The following CTNNA2 variants were observed in gnomAD, a reference collection of about 807,000 sequenced individuals.
The protein encoded by CTNNA2 is catenin alpha 2.
CTNNA2 carries 42 observed loss-of-function variants against 101.0 expected under a neutral mutation model. The ratio of observed to expected loss-of-function variants is 0.42; its 90% confidence interval spans 0.32 to 0.54. The LOEUF (loss-of-function observed/expected upper bound fraction) is 0.54, where lower values mean the gene tolerates loss of function less well. Among genes scored for constraint, CTNNA2 ranks in the 20% least tolerant of loss-of-function variants. The pLI is 0.14. For synonymous variants in CTNNA2, 450 were observed against 456.4 expected, an observed-to-expected ratio of 0.99 and a Z score of 0.18; for missense variants, 871 against 1,223.1, an observed-to-expected ratio of 0.71 and a Z score of 4.29.
chr2:79,814,601 G>A (rs969151112), intron 3 of CTNNA2, among the ~76,000 whole-genome samples: 1 of 129,898 alleles, frequency 7.7e-6, no homozygotes, highest in Non-Finnish European at 1.5e-5. Flanking sequence ...CATTATATAT[G>A]TGTGTATACA....
At chr2:80,372,293 C>T (rs911605814) in intron 7 of CTNNA2, among the ~76,000 whole-genome samples, 7 of 151,834 alleles carry the variant, frequency 4.6e-5, no homozygotes, top group South Asian at 2.1e-4. Flanking sequence ...TTAAACCAGT[C>T]TCAAATTTAC....
At chr2:79,813,717 A>G (rs556145766) in intron 3 of CTNNA2, among the ~76,000 whole-genome samples, 42 of 152,278 alleles carry the variant, frequency 2.8e-4, no homozygotes, top group African/African-American at 9.9e-4. Context: ...AGAGTTCAAG[A>G]GTTTCAAGTT....
In CTNNA2 at chr2:80,125,116, C is replaced by T. The variant is rs940824623; in HGVS notation, c.1056+215319C>T. ...AACCAAATCTAGGTTTTGTCTGAAA[C>T]GATTGAAGTACAGCAAATCTGGGGC... is the stretch of plus-strand genomic sequence containing the variant. On this transcript the variant is annotated intron_variant, in intron 7 of 18. Transcript: ENST00000402739. Among the ~76,000 whole-genome samples the T allele has an allele frequency of 9.9e-5, 15 of 152,106 alleles. 1 individual carries two copies. Among genetic ancestry groups the T allele is most frequent in the South Asian group, 8.3e-4 (4 of 4,832 alleles).
intron 4 of CTNNA2, among the ~76,000 whole-genome samples, chr2:79,440,316 T>G (rs565494257): frequency 6.6e-6 from 1 of 152,024 alleles, no homozygotes; most frequent in South Asian, 2.1e-4. Context: ...AAGGAAAAAT[T>G]TATGGGAGAA....
intron 3 of CTNNA2, among the ~76,000 whole-genome samples, chr2:79,846,651 C>T (rs1034677109): frequency 3.9e-5 from 6 of 152,154 alleles, no homozygotes; most frequent in Non-Finnish European, 8.8e-5. Flanking sequence ...GGAACTGCAG[C>T]AAATACAAAT....
intron 7 of CTNNA2, among the ~76,000 whole-genome samples, chr2:80,043,534 G>C (rs1023997793): frequency 6.6e-6 from 1 of 152,024 alleles, no homozygotes; most frequent in Non-Finnish European, 1.5e-5. Context: ...CCCTCAGATG[G>C]GCTCTGAATA....
At chr2:80,531,963 C>A (rs1327829941) in intron 9 of CTNNA2, among the ~76,000 whole-genome samples, 1 of 152,158 alleles carries the variant, frequency 6.6e-6, no homozygotes, top group African/African-American at 2.4e-5. Context: ...GTCATATGGT[C>A]TCTGTCACAA....
rs66471325 is a variant in CTNNA2 at position 79,956,843 on chromosome 2, G to GTTTTTTTTTT, written c.1056+47062_1056+47071dup. Among the ~76,000 whole-genome samples the GTTTTTTTTTT allele has an allele frequency of 1.1e-4, 11 of 98,904 alleles. 1 individual carries two copies. Among genetic ancestry groups the GTTTTTTTTTT allele is most frequent in the African/African-American group, 4.2e-4 (9 of 21,348 alleles). 64.9% of individuals were successfully genotyped at this position (98,904 alleles called of 152,430 possible). A position where few individuals can be genotyped will look rare whatever the true frequency, so the allele number is the denominator to read the frequency against. On this transcript the variant is annotated intron_variant, in intron 7 of 18. Transcript: ENST00000402739. ...TTTCATTTACTATGAATACGTGTGG[G>GTTTTTTTTTT]TTTTTTTTTTTTTTTTTTTTTTTTT...
At position 79,574,315 on chromosome 2, in the gene CTNNA2, C is replaced by T. The variant is rs1026122218; in HGVS notation, c.-6+61108C>T. 11 of 152,186 alleles carry T rather than the reference C, an allele frequency of 7.2e-5. 1 individual carries two copies. The highest frequency in any genetic ancestry group is 7.2e-5 in the African/African-American group (3 of 41,526). The allele number at this position is 152,186 out of a possible 1,614,324, so 9.4% of individuals were successfully genotyped here. Reference sequence around the variant, plus strand: ...GTTTGGTGTACAGATTATTTCATCACCCGTAATAAGCATAGTACTCAAAAG... The same window carrying T: ...GTTTGGTGTACAGATTATTTCATCATCCGTAATAAGCATAGTACTCAAAAG... On this transcript the variant is annotated intron_variant, in intron 1 of 18. Transcript: ENST00000402739.
intron 7 of CTNNA2, among the ~76,000 whole-genome samples, chr2:80,023,068 G>T (rs1365134007): frequency 1.3e-5 from 2 of 152,188 alleles, no homozygotes; most frequent in Non-Finnish European, 2.9e-5. Context: ...AGAAAATATG[G>T]TAAGCGTGGG....
intron 17 of CTNNA2, 134 bp from the exon 18 acceptor site, chr2:80,618,951 C>G (rs1435346661): frequency 8.1e-6 from 4 of 493,544 alleles, no homozygotes; most frequent in East Asian, 3.2e-5. Flanking sequence ...GCACGTAATT[C>G]CTTCATATAC....
At chr2:79,523,165 T>C in intron 1 of CTNNA2, 1 of 364,390 alleles carries the variant, frequency 2.7e-6, no homozygotes, top group Non-Finnish European at 5.5e-6. Context: ...TAACATTGCA[T>C]TTTTTTGGAA....
At chr2:79,318,361 A>G (rs1275885268) in intron 3 of CTNNA2, among the ~76,000 whole-genome samples, 5 of 152,212 alleles carry the variant, frequency 3.3e-5, no homozygotes, top group Non-Finnish European at 7.3e-5. Context: ...GAAAAGAAAA[A>G]AGAAGAAAAA....
At chr2:79,734,545 G>A (rs6706493) in intron 2 of CTNNA2, among the ~76,000 whole-genome samples, 64,524 of 151,874 alleles carry the variant, frequency 0.42, 15,746 homozygotes, top group African/African-American at 0.69. Flanking sequence ...GAAATACAAA[G>A]TATTCTACTG....
intron 4 of CTNNA2, among the ~76,000 whole-genome samples, chr2:79,410,613 T>C (rs1031630580): frequency 6.6e-5 from 10 of 151,134 alleles, no homozygotes; most frequent in East Asian, 1.9e-4. Flanking sequence ...TATTGATTTG[T>C]GTATATTGAA....
At position 80,648,178 on chromosome 2, in the gene CTNNA2, A is replaced by AAACTT. The variant is rs1674314176; in HGVS notation, c.*311_*315dup. ...TGGGAGTGGGAGGGATGGGGAAAAT[A>AAACTT]AACTTAACTCTACAAAAGCAAACTC... On this transcript the variant is annotated 3_prime_UTR_variant, in exon 19 of 19. Transcript: ENST00000402739. 9.7e-6 allele frequency: 2 copies of AAACTT among 205,168 alleles called. No individual in the cohort carries two copies. Among genetic ancestry groups the AAACTT allele is most frequent in the East Asian group, 1.0e-4 (1 of 10,030 alleles). The allele number at this position is 205,168 out of a possible 1,614,324, so 12.7% of individuals were successfully genotyped here.
At chr2:79,211,067 C>T (rs1472671663) in intron 2 of CTNNA2, among the ~76,000 whole-genome samples, 4 of 152,174 alleles carry the variant, frequency 2.6e-5, no homozygotes, top group Non-Finnish European at 4.4e-5. Context: ...AAACTGAGAG[C>T]ATATAAATCA....
At chr2:79,826,880 A>G (rs963329622) in intron 3 of CTNNA2, among the ~76,000 whole-genome samples, 3 of 152,198 alleles carry the variant, frequency 2.0e-5, no homozygotes, top group Non-Finnish European at 2.9e-5. Context: ...ATCGGATCAC[A>G]TCCGGACTCA....
intron 2 of CTNNA2, among the ~76,000 whole-genome samples, chr2:79,255,803 T>G (rs1674837407): frequency 6.6e-6 from 1 of 152,188 alleles, no homozygotes; most frequent in Non-Finnish European, 1.5e-5. Flanking sequence ...ATTTGACAAT[T>G]GATAACGTTC....
Sources: allele counts gnomAD v4.1 joint callset (sites outside exome capture counted in the v4.1 genomes callset), GRCh38; gene constraint gnomAD v4.1.1; transcripts MANE v1.5; gene names NCBI Gene and HGNC (gene_info 2026-07-23, HGNC 2026-07-21).